TNNI3K: variants seen among roughly 807,000 people sequenced by gnomAD.
TNNI3K encodes the protein serine/threonine-protein kinase TNNI3K.
Under a neutral mutation model 114.5 loss-of-function variants are expected in TNNI3K, and 140 were observed. The ratio of observed to expected loss-of-function variants is 1.22; its 90% CI spans 1.07 to 1.41. TNNI3K has a LOEUF of 1.41. Among genes scored for constraint, TNNI3K ranks in the 40% most tolerant of loss-of-function variants. TNNI3K has a pLI of 0.00. For synonymous variants in TNNI3K, 347 were observed against 347.5 expected (o/e 1.00, Z 0.02); for missense variants, 1,125 against 1,007.6 (o/e 1.12, Z -1.58).
chr1:74,401,006 T>C (rs955916355), intron 17 of TNNI3K, among the ~76,000 whole-genome samples: 4 of 152,196 alleles, frequency 2.6e-5, no homozygotes, highest in African/African-American at 7.2e-5. Flanking sequence ...GTCAAGAATA[T>C]TGGAAAGTTT....
At chr1:74,490,915 G>A (rs564966094) in intron 22 of TNNI3K, among the ~76,000 whole-genome samples, 3 of 152,258 alleles carry the variant, frequency 2.0e-5, no homozygotes, top group African/African-American at 7.2e-5. Flanking sequence ...GTATCAAATG[G>A]TGGAGACCTG....
chr1:74,336,852 T>C (rs1367436593), intron 7 of TNNI3K, among the ~76,000 whole-genome samples: 1 of 152,154 alleles, frequency 6.6e-6, no homozygotes, highest in Non-Finnish European at 1.5e-5. Context: ...TTATAGTCCT[T>C]TGGGTATATA....
intron 21 of TNNI3K, among the ~76,000 whole-genome samples, chr1:74,465,960 A>G (rs545027865): frequency 6.6e-6 from 1 of 152,150 alleles, no homozygotes; most frequent in East Asian, 1.9e-4. Flanking sequence ...CATCTTCTGT[A>G]TTGTGGAAGC....
intron 20 of TNNI3K, among the ~76,000 whole-genome samples, chr1:74,440,607 T>C (rs572262290): frequency 6.6e-6 from 1 of 152,266 alleles, no homozygotes; most frequent in Admixed American, 6.5e-5. Context: ...GGTCTTTTAA[T>C]TACACCCTGC....
intron 17 of TNNI3K, chr1:74,401,805 T>G (rs1382386311): frequency 2.2e-6 from 1 of 449,528 alleles, no homozygotes; most frequent in East Asian, 7.1e-5. Context: ...TCTCTTCTTA[T>G]TTTATGTTTC....
At chr1:74,501,706 T>C (rs1379334640) in intron 23 of TNNI3K, among the ~76,000 whole-genome samples, 2 of 151,926 alleles carry the variant, frequency 1.3e-5, no homozygotes, top group Non-Finnish European at 2.9e-5. Flanking sequence ...TCAGGCTGGT[T>C]GTGTATTCCT....
intron 23 of TNNI3K, among the ~76,000 whole-genome samples, chr1:74,533,511 T>G (rs1014812876): frequency 1.3e-5 from 2 of 152,140 alleles, no homozygotes; most frequent in African/African-American, 4.8e-5. Context: ...TGGTGATTCC[T>G]CAGGGATCTA....
At chr1:74,480,085 A>T (rs945667083) in intron 21 of TNNI3K, 9 of 648,546 alleles carry the variant, frequency 1.4e-5, no homozygotes, top group Admixed American at 7.3e-5. Context: ...GATAAGCATC[A>T]CTTAGCATGC....
intron 4 of TNNI3K, among the ~76,000 whole-genome samples, chr1:74,253,851 G>T (rs1655113608): frequency 6.6e-6 from 1 of 152,176 alleles, no homozygotes; most frequent in Admixed American, 6.5e-5. Flanking sequence ...GGGCGCCAAG[G>T]CCGAGAAGGC....
At chr1:74,457,991 C>T (rs1446325729) in intron 20 of TNNI3K, among the ~76,000 whole-genome samples, 1 of 152,104 alleles carries the variant, frequency 6.6e-6, no homozygotes, top group African/African-American at 2.4e-5. Context: ...CTAAACAAAA[C>T]AGAAAACATA....
At chr1:74,488,623 T>A (rs1018751857) in intron 21 of TNNI3K, among the ~76,000 whole-genome samples, 1 of 152,216 alleles carries the variant, frequency 6.6e-6, no homozygotes, top group Non-Finnish European at 1.5e-5. Context: ...AACTTTTTTT[T>A]AACCAAACTC....
At chr1:74,258,900 A>G (rs1316994712) in intron 4 of TNNI3K, among the ~76,000 whole-genome samples, 4 of 152,194 alleles carry the variant, frequency 2.6e-5, no homozygotes, top group Non-Finnish European at 5.9e-5. Context: ...TATTCTAGGA[A>G]TCTAAATTTT....
At chr1:74,288,845 A>G (rs563489560) in intron 5 of TNNI3K, among the ~76,000 whole-genome samples, 1 of 152,210 alleles carries the variant, frequency 6.6e-6, no homozygotes, top group Non-Finnish European at 1.5e-5. Context: ...TTCACAATGT[A>G]TATATAAATC....
intron 5 of TNNI3K, among the ~76,000 whole-genome samples, chr1:74,305,469 A>G (rs1465539790): frequency 6.6e-6 from 1 of 152,200 alleles, no homozygotes; most frequent in Admixed American, 6.5e-5. Context: ...GAAACTAGAA[A>G]ACCCTTGAAG....
chr1:74,492,217 G>T lies in TNNI3K; in HGVS notation c.2302G>T (p.Glu768Ter). 1 of 1,612,622 alleles carries T rather than the reference G, an allele frequency of 6.2e-7. No individual in the cohort carries two copies. Among genetic ancestry groups the T allele is most frequent in the Non-Finnish European group, 8.5e-7 (1 of 1,178,992 alleles). Residue 768 changes from glutamate to a stop codon, truncating the protein, a stop_gained, in exon 23 of 25, where the codon GAA becomes TAA. Transcript: ENST00000326637. LOFTEE classifies it high-confidence loss of function. ...TGTGGCAGCATTAAGAAGTCGTTTC[G>T]AATTGGAATATGCTCTAAATGCAAG... is the stretch of plus-strand genomic sequence containing the variant. ...SHVAALRSRF[E>*]LEYALNARSY...
At position 74,378,629 on chromosome 1, in the gene TNNI3K, T is replaced by TATATATATATAAA. The variant is rs1448067117; in HGVS notation, c.1772+8248_1772+8249insAAATATATATATA. 21 of 135,786 alleles carry TATATATATATAAA rather than the reference T, an allele frequency of 1.5e-4. 2 individuals carry two copies. Among genetic ancestry groups the TATATATATATAAA allele is most frequent in the African/African-American group, 5.5e-4 (20 of 36,422 alleles). 8.4% of individuals were successfully genotyped at this position (135,786 alleles called of 1,614,324 possible). ...ATATATATATATATATATATATATA[T>TATATATATATAAA]ATATATATATATTTCATTTCATCAC... On this transcript the variant is annotated intron_variant, in intron 17 of 24. Coordinates refer to ENST00000326637, the MANE Select transcript of TNNI3K (RefSeq NM_015978.3).
chr1:74,359,509 T>A (rs548885991), intron 11 of TNNI3K, among the ~76,000 whole-genome samples: 19 of 152,132 alleles, frequency 1.2e-4, no homozygotes, highest in African/African-American at 4.6e-4. Context: ...TATAAAAGTG[T>A]GTGTTGTTTT....
chr1:74,381,178 G>A (rs1663185216), intron 17 of TNNI3K, among the ~76,000 whole-genome samples: 1 of 152,136 alleles, frequency 6.6e-6, no homozygotes, highest in African/African-American at 2.4e-5. Context: ...ATGTGTTGAT[G>A]TGGGCTATCA....
chr1:74,384,732 G>A (rs1408367124), intron 17 of TNNI3K, among the ~76,000 whole-genome samples: 1 of 152,010 alleles, frequency 6.6e-6, no homozygotes, highest in Non-Finnish European at 1.5e-5. Flanking sequence ...TCAGATTCAT[G>A]TGAACCTGAA....
Sources: gnomAD v4.1 joint callset for allele counts (sites outside exome capture counted in the v4.1 genomes callset) on GRCh38, gnomAD v4.1.1 for gene constraint, MANE v1.5 for transcripts, NCBI Gene and HGNC (gene_info 2026-07-23, HGNC 2026-07-21) for gene names.